Variants in EIF3E observed in about 807,000 individuals in gnomAD.
The protein encoded by EIF3E is eIF-3 p48.
EIF3E carries 25 observed loss-of-function variants against 59.3 expected under a neutral mutation model. That is an observed-to-expected ratio of 0.42 (90% CI 0.31 to 0.59). The LOEUF (loss-of-function observed/expected upper bound fraction) is 0.59, where lower values mean the gene tolerates loss of function less well. Among genes scored for constraint, EIF3E ranks in the 20% least tolerant of loss-of-function variants. The pLI, the probability that EIF3E is intolerant of heterozygous loss-of-function variation, is 0.15. For synonymous variants in EIF3E, 176 were observed against 170.2 expected (o/e 1.03, Z -0.26); for missense variants, 317 against 534.3 (o/e 0.59, Z 4.01).
Position 108,240,043 on chromosome 8 carries a change from G to A in EIF3E, c.238C>T (p.Gln80Ter). 6.2e-7 allele frequency: 1 copy of A among 1,614,026 alleles called. No individual in the cohort carries two copies. The highest frequency in any genetic ancestry group is 8.5e-7 in the Non-Finnish European group (1 of 1,179,964). ...GTTTCTGCCTGAAGCTGTTTCAGTTGTGCAACCACTGTGGTTCTTTTCTCT... is the reference window on the plus strand; with the variant it reads ...GTTTCTGCCTGAAGCTGTTTCAGTTATGCAACCACTGTGGTTCTTTTCTCT... ...LREKRTTVVA[Q>*]LKQLQAETEP... Residue 80 changes from glutamine (Q) to a stop codon, truncating the protein, a stop_gained, in exon 3 of 13, where the codon CAA becomes TAA. Coordinates refer to ENST00000220849, the MANE Select transcript of EIF3E (RefSeq NM_001568.3). LOFTEE classifies it high-confidence loss of function.
chr8:108,242,642 G>T, intron 1 of EIF3E: 2 of 1,147,090 alleles, frequency 1.7e-6, no homozygotes, highest in South Asian at 1.9e-5. Context: ...GTGGTCAAAG[G>T]GTATTTAGCC....
chr8:108,219,439 C>A (rs1815364541), intron 7 of EIF3E, among the ~76,000 whole-genome samples: 1 of 152,252 alleles, frequency 6.6e-6, no homozygotes, highest in South Asian at 2.1e-4. Context: ...TATAGGTCTG[C>A]TAATGAGACC....
intron 9 of EIF3E, 60 bp from the exon 10 acceptor site, chr8:108,214,776 A>G: frequency 7.2e-7 from 1 of 1,393,556 alleles, no homozygotes; most frequent in Admixed American, 2.1e-5. Context: ...TGAAACGTGA[A>G]TCAAATACTT....
At chr8:108,205,133 A>C (rs1815076253) in intron 10 of EIF3E, among the ~76,000 whole-genome samples, 1 of 152,124 alleles carries the variant, frequency 6.6e-6, no homozygotes, top group South Asian at 2.1e-4. Flanking sequence ...TAAGACCCTC[A>C]TAAGCCTTCT....
At chr8:108,206,663 T>C (rs681099) in intron 10 of EIF3E, among the ~76,000 whole-genome samples, 76,083 of 151,648 alleles carry the variant, frequency 0.5, 19,129 homozygotes, top group African/African-American at 0.58. Flanking sequence ...CGCACGCACG[T>C]ACAGTGGCCT....
At chr8:108,223,519 A>C (rs1815459541) in intron 7 of EIF3E, among the ~76,000 whole-genome samples, 2 of 152,216 alleles carry the variant, frequency 1.3e-5, no homozygotes, top group South Asian at 2.1e-4. Flanking sequence ...TAATAGTAAA[A>C]CTTGAAATTT....
At chr8:108,203,138 A>G in intron 11 of EIF3E, 21 bp from the exon 12 acceptor site, 1 of 1,607,102 alleles carries the variant, frequency 6.2e-7, no homozygotes, top group Non-Finnish European at 8.5e-7. Flanking sequence ...ACACAGGGAA[A>G]TTGATCCTAT....
intron 10 of EIF3E, among the ~76,000 whole-genome samples, chr8:108,211,346 A>G (rs991193051): frequency 6.6e-6 from 1 of 152,168 alleles, no homozygotes; most frequent in Admixed American, 6.5e-5. Context: ...TCTGATGGCC[A>G]GTGATGATGA....
At chr8:108,226,180 A>T (rs1174341807) in intron 7 of EIF3E, 1 of 148,530 alleles carries the variant, frequency 6.7e-6, no homozygotes, top group Non-Finnish European at 1.5e-5. Flanking sequence ...AGAAAATTAC[A>T]TTCAATAATT....
At chr8:108,208,696 A>G (rs1291618152) in intron 10 of EIF3E, among the ~76,000 whole-genome samples, 1 of 152,166 alleles carries the variant, frequency 6.6e-6, no homozygotes, top group African/African-American at 2.4e-5. Flanking sequence ...AGCAAAGTAG[A>G]ATAACTTCAA....
At chr8:108,235,375 C>G (rs1386422523) in intron 4 of EIF3E, among the ~76,000 whole-genome samples, 2 of 152,190 alleles carry the variant, frequency 1.3e-5, no homozygotes, top group South Asian at 2.1e-4. Context: ...TGTTCCACCT[C>G]AGATCATCAA....
chr8:108,204,731 G>GTGTATATATA (rs1554597993), intron 10 of EIF3E, among the ~76,000 whole-genome samples: 1 of 86,784 alleles, frequency 1.2e-5, no homozygotes, highest in Non-Finnish European at 2.5e-5. Flanking sequence ...TAGTATGTAT[G>GTGTATATATA]TATATATATA....
rs749816227 is a variant in EIF3E, at chr8:108,214,720, T to A, written c.952-4A>T. 18 of 1,599,548 alleles carry A rather than the reference T, an allele frequency of 1.1e-5. No individual in the cohort carries two copies. Among genetic ancestry groups the A allele is most frequent in the African/African-American group, 1.4e-5 (1 of 73,626 alleles). ...AGAAGAAGTCATTCACAAGCACCTA[T>A]ATGTACAAATACAACAAAAATTAAT... On this transcript the variant is annotated splice_polypyrimidine_tract_variant and splice_region_variant and intron_variant, in intron 9 of 12. Transcript: ENST00000220849.
chr8:108,229,059 G>C lies in EIF3E; in HGVS notation c.597+11C>G. 1.3e-6 allele frequency: 2 copies of C among 1,589,624 alleles called. No homozygotes were observed. On this transcript the variant is annotated intron_variant, in intron 6 of 12. Transcript: ENST00000220849. ...TATTTCAGAGAATAACTGTGAAAAA[G>C]TCGAACTCACATTATTATCTATGGT...
chr8:108,229,736 T>A (rs912737156), intron 5 of EIF3E, among the ~76,000 whole-genome samples: 1 of 152,184 alleles, frequency 6.6e-6, no homozygotes, highest in East Asian at 1.9e-4. Flanking sequence ...CAAAGGATTA[T>A]GTACTGAGCA....
At chr8:108,213,526 T>A (rs571919484) in intron 10 of EIF3E, among the ~76,000 whole-genome samples, 1 of 152,228 alleles carries the variant, frequency 6.6e-6, no homozygotes, top group East Asian at 1.9e-4. Flanking sequence ...TAATGAGAAA[T>A]GGAGAAAATT....
At chr8:108,236,351 A>G in intron 3 of EIF3E, 148 bp from the exon 4 acceptor site, 4 of 593,774 alleles carry the variant, frequency 6.7e-6, no homozygotes, top group Non-Finnish European at 8.8e-6. Context: ...TAAGCAGGAC[A>G]TTACATGTTT....
At position 108,236,174 on chromosome 8, in the gene EIF3E, G is replaced by A. The variant is rs1322467484; in HGVS notation, c.353C>T (p.Ala118Val). ...RDGRMLFDYL[A>V]DKHGFRQEYL... is the part of the protein sequence containing the mutation. The stretch of plus-strand genomic sequence containing the variant: ...TAAAACACTTACACCATGCTTGTCC[G>A]CCAGGTAGTCAAAGAGCATCCTACC... Residue 118 changes from alanine to valine, a missense_variant, in exon 4 of 13, where the codon GCG (alanine) becomes GTG (valine). By Grantham distance (64) the Ala-to-Val change is moderately conservative. Coordinates refer to ENST00000220849, the MANE Select transcript of EIF3E (RefSeq NM_001568.3). The A allele has an allele frequency of 6.8e-6, 11 of 1,609,464 alleles. No individual in the cohort carries two copies. The highest frequency in any genetic ancestry group is 1.1e-5 in the South Asian group (1 of 89,950).
At chr8:108,216,571 C>A (rs1815310115) in intron 8 of EIF3E, 58 bp from the exon 9 acceptor site, 4 of 1,164,602 alleles carry the variant, frequency 3.4e-6, no homozygotes, top group Non-Finnish European at 5.0e-6. Context: ...TAGCAGATTG[C>A]CCCAGAATAT....
Sources: gnomAD v4.1 joint callset for allele counts (sites outside exome capture counted in the v4.1 genomes callset) on GRCh38, gnomAD v4.1.1 for gene constraint, MANE v1.5 for transcripts, NCBI Gene and HGNC (gene_info 2026-07-23, HGNC 2026-07-21) for gene names.